The following ZNF609 variants were observed in gnomAD, a reference collection of about 807,000 sequenced individuals.
ZNF609 encodes the protein zinc finger protein 609.
A neutral mutation model predicts 109.5 loss-of-function variants in ZNF609; 11 were observed. The observed-to-expected ratio is 0.10, with a 90% CI of 0.06 to 0.17. The LOEUF (loss-of-function observed/expected upper bound fraction) is 0.17. ZNF609 is among the 10% of genes least tolerant of loss of function. The probability of loss-of-function intolerance (pLI) is 1.00; values close to 1 mark genes in which losing one functional copy is unlikely to be tolerated. For missense variants in ZNF609, 1,559 were observed against 1,772.4 expected (o/e 0.88, Z 2.16); for synonymous variants, 646 against 662.0 (o/e 0.98, Z 0.37).
intron 3 of ZNF609, among the ~76,000 whole-genome samples, chr15:64,652,546 G>A (rs1234073013): frequency 1.3e-5 from 2 of 151,710 alleles, no homozygotes; most frequent in African/African-American, 2.4e-5. Flanking sequence ...ACCACCACAC[G>A]TGACTAATTT....
chr15:64,580,649 C>T (rs2140425900), intron 2 of ZNF609, among the ~76,000 whole-genome samples: 1 of 150,606 alleles, frequency 6.6e-6, no homozygotes, highest in East Asian at 2.0e-4. Context: ...TGAAGTGATT[C>T]TCCTGCCTCA....
At chr15:64,661,903 C>T (rs1400879506) in intron 3 of ZNF609, among the ~76,000 whole-genome samples, 5 of 152,200 alleles carry the variant, frequency 3.3e-5, no homozygotes, top group African/African-American at 1.2e-4. Flanking sequence ...TCCAGGTTAT[C>T]TGTTATGTAA....
At chr15:64,563,239 T>C (rs968388885) in intron 2 of ZNF609, among the ~76,000 whole-genome samples, 3 of 151,862 alleles carry the variant, frequency 2.0e-5, no homozygotes, top group African/African-American at 7.3e-5. Flanking sequence ...CACGTGAGCC[T>C]AAGAGTTCAA....
chr15:64,615,030 G>C (rs1329904577), intron 2 of ZNF609, among the ~76,000 whole-genome samples: 2 of 151,988 alleles, frequency 1.3e-5, no homozygotes, highest in Admixed American at 1.3e-4. Flanking sequence ...TGTTGGCCAG[G>C]CTCGTCTCAA....
chr15:64,624,985 C>G (rs1174007144), intron 3 of ZNF609, among the ~76,000 whole-genome samples: 1 of 152,004 alleles, frequency 6.6e-6, no homozygotes, highest in Non-Finnish European at 1.5e-5. Context: ...GTCTTGAACT[C>G]CTGACCTTGT....
chr15:64,520,608 C>T (rs1477758467), intron 2 of ZNF609, among the ~76,000 whole-genome samples: 1 of 151,912 alleles, frequency 6.6e-6, no homozygotes, highest in African/African-American at 2.4e-5. Context: ...TTCTCGTTTT[C>T]TTAAATTTTT....
intron 2 of ZNF609, among the ~76,000 whole-genome samples, chr15:64,516,537 C>T (rs1245927653): frequency 6.6e-6 from 1 of 152,054 alleles, no homozygotes; most frequent in Admixed American, 6.6e-5. Flanking sequence ...CCACCCACAC[C>T]CGGCTAATTT....
rs1896831051 is a variant in ZNF609 at position 64,678,016 on chromosome 15, G to T, written c.3403-100G>T. 1.4e-6 allele frequency: 2 copies of T among 1,462,688 alleles called. 1 individual carries two copies. Among genetic ancestry groups the T allele is most frequent in the Middle Eastern group, 4.3e-4 (2 of 4,698 alleles). The allele number at this position is 1,462,688 out of a possible 1,614,324, so 90.6% of individuals were successfully genotyped here. ...AATCCTACTCTGCCCCAGGTGTCTA[G>T]TACTAATTATCTGCTCTGGTGGTTC... On this transcript the variant is annotated intron_variant, in intron 5 of 9. Transcript: ENST00000326648.
intron 1 of ZNF609, among the ~76,000 whole-genome samples, chr15:64,463,003 C>G (rs544744304): frequency 9.9e-5 from 15 of 152,082 alleles, no homozygotes; most frequent in Admixed American, 3.3e-4. Context: ...CCTGTAATCC[C>G]AGCACTTTGG....
At chr15:64,504,656 ATTTTAG>A (rs1323163996) in intron 2 of ZNF609, among the ~76,000 whole-genome samples, 14 of 142,208 alleles carry the variant, frequency 9.8e-5, no homozygotes, top group Non-Finnish European at 4.6e-5. Context: ...TTTTTTTTTA[ATTTTAG>A]TAGGGATAGG....
rs10600562 is a variant in ZNF609 at position 64,602,889 on chromosome 15, ATTTTTTTTTTTTTT to A, written c.748-19922_748-19909del. 1.5e-4 allele frequency among the ~76,000 whole-genome samples: 11 copies of A among 75,174 alleles called. No individual in the cohort carries two copies. In the East Asian group the frequency reaches 3.1e-3, roughly 21 times the overall value. The allele number at this position is 75,174 out of a possible 152,430, so 49.3% of individuals were successfully genotyped here. A position where few individuals can be genotyped will look rare whatever the true frequency, so the allele number is the denominator to read the frequency against. ...AGGTGCCTGCCACCACTCTGGGCTA[ATTTTTTTTTTTTTT>A]TTTTTTTTTTTTTTTGTATTTTTAG... On this transcript the variant is annotated intron_variant, in intron 2 of 9. Coordinates refer to ENST00000326648, the MANE Select transcript of ZNF609 (RefSeq NM_015042.2).
intron 1 of ZNF609, among the ~76,000 whole-genome samples, chr15:64,480,145 A>G (rs922527604): frequency 1.3e-5 from 2 of 152,068 alleles, no homozygotes; most frequent in African/African-American, 4.8e-5. Context: ...GGTCTGAGGC[A>G]GGAGAATCGC....
At chr15:64,644,929 A>G (rs1325664223) in intron 3 of ZNF609, among the ~76,000 whole-genome samples, 4 of 151,962 alleles carry the variant, frequency 2.6e-5, no homozygotes, top group African/African-American at 9.7e-5. Context: ...ATAATGAGCT[A>G]TATCTTCTCC....
At chr15:64,475,146 C>G (rs1893149683) in intron 1 of ZNF609, among the ~76,000 whole-genome samples, 1 of 129,318 alleles carries the variant, frequency 7.7e-6, no homozygotes, top group Non-Finnish European at 1.6e-5. Context: ...AGTTACCCTG[C>G]ATTTTTCAGT....
At chr15:64,618,644 T>G (rs960752003) in intron 2 of ZNF609, among the ~76,000 whole-genome samples, 2 of 151,832 alleles carry the variant, frequency 1.3e-5, no homozygotes, top group African/African-American at 4.8e-5. Flanking sequence ...TCCCCTGGAG[T>G]TCAGCTACTC....
intron 1 of ZNF609, among the ~76,000 whole-genome samples, chr15:64,494,957 A>T (rs1196142808): frequency 6.6e-6 from 1 of 152,202 alleles, no homozygotes. Context: ...GCTCTGTAGT[A>T]CATCCTTTCA....
rs371079811 is a variant in ZNF609, at chr15:64,550,837, G to A, written c.747+50671G>A. 5.1e-3 allele frequency among the ~76,000 whole-genome samples: 626 copies of A among 122,514 alleles called. 1 individual carries two copies. The highest frequency in any genetic ancestry group is 7.5e-3 in the Non-Finnish European group (474 of 62,806). 80.4% of individuals were successfully genotyped at this position (122,514 alleles called of 152,430 possible). Reference sequence around the variant, plus strand: ...GGGTGACACAGTGAGACTCTGTCTCGGGAAAAAAAAAAAAAAAAAGAAACA... The same window carrying A: ...GGGTGACACAGTGAGACTCTGTCTCAGGAAAAAAAAAAAAAAAAAGAAACA... On this transcript the variant is annotated intron_variant, in intron 2 of 9. Coordinates refer to ENST00000326648, the MANE Select transcript of ZNF609 (RefSeq NM_015042.2).
chr15:64,637,427 A>T (rs1004681190), intron 3 of ZNF609, among the ~76,000 whole-genome samples: 2 of 152,222 alleles, frequency 1.3e-5, no homozygotes, highest in African/African-American at 4.8e-5. Flanking sequence ...ATTGAATCAT[A>T]AGGTATGTGT....
intron 3 of ZNF609, among the ~76,000 whole-genome samples, chr15:64,662,613 C>T (rs1411372386): frequency 6.6e-6 from 1 of 152,168 alleles, no homozygotes; most frequent in African/African-American, 2.4e-5. Flanking sequence ...GCATGAGCCA[C>T]CATGCTTGGC....
Sources: gnomAD v4.1 joint callset for allele counts (sites outside exome capture counted in the v4.1 genomes callset) on GRCh38, gnomAD v4.1.1 for gene constraint, MANE v1.5 for transcripts, NCBI Gene and HGNC (gene_info 2026-07-23, HGNC 2026-07-21) for gene names.